The following TTC39B variants were observed in gnomAD, a reference collection of about 807,000 sequenced individuals.
TTC39B encodes tetratricopeptide repeat protein 39B.
TTC39B carries 92 observed loss-of-function variants against 96.6 expected under a neutral mutation model. That is an observed-to-expected ratio of 0.95 (90% CI 0.80 to 1.13). The LOEUF (loss-of-function observed/expected upper bound fraction) is 1.13. Ranked by LOEUF, TTC39B falls within the 50% of genes most tolerant of loss-of-function variation. The pLI is 0.00. For synonymous variants in TTC39B, 367 were observed against 299.4 expected (o/e 1.23, Z -2.33); for missense variants, 955 against 809.3 (o/e 1.18, Z -2.18).
chr9:15,259,349 C>A (rs1042040844), intron 2 of TTC39B, among the ~76,000 whole-genome samples: 6 of 152,162 alleles, frequency 3.9e-5, no homozygotes, highest in Non-Finnish European at 7.4e-5. Flanking sequence ...GGGGGTTACA[C>A]CATTTATATG....
chr9:15,194,546 T>C (rs939744554), intron 8 of TTC39B, among the ~76,000 whole-genome samples: 1 of 152,208 alleles, frequency 6.6e-6, no homozygotes, highest in African/African-American at 2.4e-5. Context: ...AAGGCATACC[T>C]TGTTTTACTG....
At chr9:15,181,567 C>T (rs1052979014) in intron 17 of TTC39B, among the ~76,000 whole-genome samples, 1 of 152,154 alleles carries the variant, frequency 6.6e-6, no homozygotes, top group African/African-American at 2.4e-5. Context: ...ACTCCTTTTA[C>T]CACATCAGCT....
chr9:15,172,140 CA>C, intron 19 of TTC39B, 31 bp from the exon 20 acceptor site: 1 of 1,554,182 alleles, frequency 6.4e-7, no homozygotes. Context: ...ATTGTACAGT[CA>C]AAATTTCCTT....
At chr9:15,196,447 T>C (rs910241571) in intron 8 of TTC39B, among the ~76,000 whole-genome samples, 1 of 152,172 alleles carries the variant, frequency 6.6e-6, no homozygotes, top group African/African-American at 2.4e-5. Context: ...TAACAGGAGT[T>C]TGGAAGAAGT....
chr9:15,284,737 G>A (rs1214212075), intron 1 of TTC39B, among the ~76,000 whole-genome samples: 2 of 152,108 alleles, frequency 1.3e-5, no homozygotes, highest in Non-Finnish European at 2.9e-5. Context: ...TCTGAGGAGA[G>A]GAAGGGAGGG....
At chr9:15,190,654 G>T (rs771534523) in exon 11 of TTC39B, 1 of 1,613,220 alleles carries the variant, frequency 6.2e-7, no homozygotes, top group Non-Finnish European at 8.5e-7. Flanking sequence ...ACTGCAGGAG[G>T]CCCAACTCCT....
At chr9:15,263,218 T>C (rs1354124144) in intron 2 of TTC39B, among the ~76,000 whole-genome samples, 1 of 152,150 alleles carries the variant, frequency 6.6e-6, no homozygotes, top group East Asian at 1.9e-4. Context: ...ATTGGTTCTA[T>C]TTGTCTGGAG....
intron 1 of TTC39B, among the ~76,000 whole-genome samples, chr9:15,277,701 T>C (rs951756570): frequency 1.3e-5 from 2 of 152,116 alleles, no homozygotes; most frequent in Non-Finnish European, 2.9e-5. Context: ...TTATTCAAAA[T>C]CCTAAGTTCT....
chr9:15,171,061 G>A (rs2118375222), exon 20 of TTC39B: 1 of 152,252 alleles, frequency 6.6e-6, no homozygotes, highest in Non-Finnish European at 1.5e-5. Flanking sequence ...GGAGTGTCAA[G>A]CTCTCTTCTG....
intron 1 of TTC39B, among the ~76,000 whole-genome samples, chr9:15,283,099 C>T (rs12003180): frequency 0.09 from 13,724 of 152,128 alleles, 1,034 homozygotes; most frequent in African/African-American, 0.21. Context: ...TCCACAAGCA[C>T]CAAGCGCCAC....
chr9:15,187,103 G>A, intron 14 of TTC39B, 68 bp from the exon 15 acceptor site: 2 of 1,148,888 alleles, frequency 1.7e-6, no homozygotes, highest in South Asian at 1.7e-5. Flanking sequence ...TTTCAAATCA[G>A]GAATGACCAA....
rs1322792916 is a variant in TTC39B, at chr9:15,192,816, T to G, written c.825-121A>C. The stretch of plus-strand genomic sequence containing the variant: ...TCATTAATTAAAATACCATCAAAAT[T>G]TTAAAGGATGATGCTGTGCTGAGTT... On this transcript the variant is annotated intron_variant, in intron 8 of 19. Transcript: ENST00000512701. 14 of 668,046 alleles carry G rather than the reference T, an allele frequency of 2.1e-5. 1 individual carries two copies. The highest frequency in any genetic ancestry group is 2.0e-5 in the Non-Finnish European group (8 of 398,284). 41.4% of individuals were successfully genotyped at this position (668,046 alleles called of 1,614,324 possible).
In TTC39B at chr9:15,278,291, C is replaced by G. The variant is rs192039975; in HGVS notation, c.241-10343G>C. On this transcript the variant is annotated intron_variant, in intron 1 of 19. Transcript: ENST00000512701. ...GAATACTCACAGTTCTGGACATAAC[C>G]CCACAGAGAAATAAGTATATACAAA... Among the ~76,000 whole-genome samples, 98 of 151,368 alleles carry G rather than the reference C, an allele frequency of 6.5e-4. No homozygotes were observed. The East Asian group carries it at 0.016, about 24-fold the overall frequency.
chr9:15,267,119 C>T (rs1399912789), intron 2 of TTC39B, among the ~76,000 whole-genome samples: 1 of 152,150 alleles, frequency 6.6e-6, no homozygotes, highest in Non-Finnish European at 1.5e-5. Context: ...CTCACTCTCT[C>T]GGCCATGTAA....
exon 20 of TTC39B, chr9:15,166,993 T>C (rs1817531940): frequency 1.9e-4 from 1 of 5,134 alleles, no homozygotes; most frequent in Non-Finnish European, 3.7e-4. Context: ...TATATATATA[T>C]ATATATATAT....
chr9:15,306,668 G>A lies in TTC39B; in HGVS notation c.240+416C>T, dbSNP rs1042457039. On this transcript the variant is annotated intron_variant, in intron 1 of 19. Coordinates refer to ENST00000512701, the Ensembl canonical transcript of TTC39B. The surrounding 1 kb of genome is among the most constrained non-coding windows in gnomAD (Gnocchi z 5.1). ...CCATAGAAGGTGAGATTCCCAGGTC[G>A]AGGGATGATTCCACGAACACCCAGA... Among the ~76,000 whole-genome samples, 3 of 152,222 alleles carry A rather than the reference G, an allele frequency of 2.0e-5. No homozygotes were observed. The highest frequency in any genetic ancestry group is 3.9e-4 in the East Asian group (2 of 5,190).
intron 17 of TTC39B, 52 bp from the exon 18 acceptor site, chr9:15,177,866 G>GAA: frequency 5.9e-6 from 4 of 681,122 alleles, no homozygotes; most frequent in Non-Finnish European, 9.3e-6. Context: ...TACTTTTTAA[G>GAA]ATCTTTTTTT....
exon 20 of TTC39B, chr9:15,170,434 G>A (rs1237314786): frequency 6.6e-6 from 1 of 152,138 alleles, no homozygotes; most frequent in African/African-American, 2.4e-5. Flanking sequence ...TGTTGATACT[G>A]TAATCCAGAC....
intron 5 of TTC39B, among the ~76,000 whole-genome samples, chr9:15,210,452 A>C (rs919766339): frequency 6.6e-6 from 1 of 152,242 alleles, no homozygotes; most frequent in African/African-American, 2.4e-5. Context: ...CCCTATAACT[A>C]AAATCAGTAT....
Sources: gnomAD v4.1 joint callset for allele counts (sites outside exome capture counted in the v4.1 genomes callset) on GRCh38, gnomAD v4.1.1 for gene constraint, Gnocchi (gnomAD v3.1) non-coding constraint, MANE v1.5 for transcripts, NCBI Gene and HGNC (gene_info 2026-07-23, HGNC 2026-07-21) for gene names.